The following MBOAT1 variants were observed in gnomAD, a reference collection of about 807,000 sequenced individuals.
MBOAT1 encodes the protein membrane-bound glycerophospholipid O-acyltransferase 1.
In MBOAT1, 67 loss-of-function variants were observed where a neutral mutation model predicts 64.4. The ratio of observed to expected loss-of-function variants is 1.04; its 90% CI spans 0.85 to 1.27. The LOEUF is 1.27. Among genes scored for constraint, MBOAT1 ranks in the 50% most tolerant of loss-of-function variants. The pLI is 0.00. For synonymous variants in MBOAT1, 229 were observed against 218.9 expected, an observed-to-expected ratio of 1.05 and a Z score of -0.41; for missense variants, 563 against 604.6, an observed-to-expected ratio of 0.93 and a Z score of 0.72.
At chr6:20,111,858 A>ATATATACGTATATATATG (rs1760168821) in intron 11 of MBOAT1, among the ~76,000 whole-genome samples, 3 of 129,122 alleles carry the variant, frequency 2.3e-5, no homozygotes, top group African/African-American at 1.0e-4. Flanking sequence ...ATATATATAT[A>ATATATACGTATATATATG]CATATATATA....
At chr6:20,115,211 C>A in intron 10 of MBOAT1, 77 bp downstream of exon 10, 4 of 1,044,170 alleles carry the variant, frequency 3.8e-6, no homozygotes, top group Non-Finnish European at 6.0e-6. Flanking sequence ...CAGGCAGACT[C>A]CCACTGTTCA....
At chr6:20,121,460 T>TG (rs777190541) in intron 8 of MBOAT1, among the ~76,000 whole-genome samples, 16 of 151,838 alleles carry the variant, frequency 1.1e-4, no homozygotes, top group Middle Eastern at 3.2e-3. Context: ...AAGGGAAGCA[T>TG]GGGGGGGAGT....
intron 4 of MBOAT1, among the ~76,000 whole-genome samples, chr6:20,139,021 ATGTG>A (rs1310263814): frequency 6.6e-6 from 1 of 152,066 alleles, no homozygotes; most frequent in Non-Finnish European, 1.5e-5. Context: ...CCCTGTATGC[ATGTG>A]TGTGAGTCTG....
intron 1 of MBOAT1, 119 bp from the exon 2 acceptor site, chr6:20,152,888 A>C (rs558757730): frequency 9.1e-7 from 1 of 1,101,876 alleles, no homozygotes; most frequent in Non-Finnish European, 1.2e-6. Flanking sequence ...GCTGGAGTGC[A>C]GTGGCGCAAA....
At chr6:20,125,940 G>A in intron 7 of MBOAT1, 1 of 413,626 alleles carries the variant, frequency 2.4e-6, no homozygotes, top group South Asian at 1.8e-5. Flanking sequence ...AATAAATTGA[G>A]CATATTTGTA....
intron 11 of MBOAT1, among the ~76,000 whole-genome samples, chr6:20,111,596 A>C (rs1008174996): frequency 1.3e-5 from 2 of 152,018 alleles, no homozygotes; most frequent in African/African-American, 4.8e-5. Flanking sequence ...CTGAGGGAAT[A>C]ATACTCTGGA....
At chr6:20,106,616 G>T (rs1191080435) in intron 12 of MBOAT1, among the ~76,000 whole-genome samples, 1 of 152,166 alleles carries the variant, frequency 6.6e-6, no homozygotes, top group Non-Finnish European at 1.5e-5. Context: ...TACAGACAGG[G>T]TTTCACCATG....
intron 1 of MBOAT1, among the ~76,000 whole-genome samples, chr6:20,199,945 G>A (rs1225856024): frequency 6.6e-6 from 1 of 151,540 alleles, no homozygotes; most frequent in Non-Finnish European, 1.5e-5. Context: ...TCCAGCCTGG[G>A]CAACAGGGTA....
At chr6:20,187,324 G>A (rs1462191526) in intron 1 of MBOAT1, among the ~76,000 whole-genome samples, 2 of 152,226 alleles carry the variant, frequency 1.3e-5, no homozygotes, top group Non-Finnish European at 2.9e-5. Flanking sequence ...AAGTGAGGGA[G>A]GGAAAAGGAT....
At chr6:20,195,465 C>G (rs1762928086) in intron 1 of MBOAT1, among the ~76,000 whole-genome samples, 1 of 152,094 alleles carries the variant, frequency 6.6e-6, no homozygotes, top group Admixed American at 6.6e-5. Context: ...CTGGCCCAAT[C>G]CTAGAATCAA....
In MBOAT1 at chr6:20,118,436, C is replaced by A. The variant is rs1760393396; in HGVS notation, c.1011+1G>T. On this transcript the variant is annotated splice_donor_variant, in intron 9 of 12. Coordinates refer to ENST00000324607, the MANE Select transcript of MBOAT1 (RefSeq NM_001080480.3). LOFTEE classifies it high-confidence loss of function. ...AGTTGGACTTAAAAGCATACACTCACCTCAATTTTCCAGATGTTTAGGTTC... is the reference window on the plus strand; with the variant it reads ...AGTTGGACTTAAAAGCATACACTCAACTCAATTTTCCAGATGTTTAGGTTC... 1 of 1,612,524 alleles carries A rather than the reference C, an allele frequency of 6.2e-7. No homozygotes were observed. The highest frequency in any genetic ancestry group is 1.3e-5 in the African/African-American group (1 of 74,904).
chr6:20,149,253 A>G (rs1761421380), intron 3 of MBOAT1, among the ~76,000 whole-genome samples: 1 of 152,168 alleles, frequency 6.6e-6, no homozygotes, highest in Non-Finnish European at 1.5e-5. Context: ...TGCCAAGGCC[A>G]GAGTATTCCA....
Position 20,100,142 on chromosome 6 carries a change from G to C in MBOAT1, c.*2144C>G, listed in dbSNP as rs1441925411. On this transcript the variant is annotated 3_prime_UTR_variant, in exon 13 of 13. Coordinates refer to ENST00000324607, the MANE Select transcript of MBOAT1 (RefSeq NM_001080480.3). Reference sequence around the variant, plus strand: ...ACCAGGGCAGCTGGTCACCAAAGCAGACACCTCTGCTCTCATTACCAAGTT... The same window carrying C: ...ACCAGGGCAGCTGGTCACCAAAGCACACACCTCTGCTCTCATTACCAAGTT... Among the ~76,000 whole-genome samples the C allele has an allele frequency of 1.3e-5, 2 of 152,196 alleles. No individual in the cohort carries two copies. Among genetic ancestry groups the C allele is most frequent in the African/African-American group, 4.8e-5 (2 of 41,454 alleles).
chr6:20,134,244 C>T lies in MBOAT1; in HGVS notation c.420-3045G>A, dbSNP rs928254745. The stretch of plus-strand genomic sequence containing the variant: ...ACTTGGCATCTGCTTTTCAGAGAAC[C>T]CAGACAAATGCAATACATAATACTG... On this transcript the variant is annotated intron_variant, in intron 4 of 12. Coordinates refer to ENST00000324607, the MANE Select transcript of MBOAT1 (RefSeq NM_001080480.3). Among the ~76,000 whole-genome samples, 25 of 152,158 alleles carry T rather than the reference C, an allele frequency of 1.6e-4. 1 individual carries two copies. The East Asian group carries it at 4.8e-3, about 29-fold the overall frequency.
chr6:20,115,301 T>C lies in MBOAT1; in HGVS notation c.1063A>G (p.Thr355Ala), dbSNP rs764569068. ...YLENWNIQTA[T>A]WLKCVCYQRV... ...TGTTTTTCTTACCACTTTAGCCAAG[T>C]AGCTGTCTGAATATTCCAGTTTTCC... Residue 355 changes from threonine to alanine, a missense_variant, in exon 10 of 13, where the codon ACT (threonine) becomes GCT (alanine). By Grantham distance (58) the Thr-to-Ala change is moderately conservative. Transcript: ENST00000324607. 5.5e-5 allele frequency: 89 copies of C among 1,613,916 alleles called. No individual in the cohort carries two copies. In the Middle Eastern group the frequency reaches 6.6e-4, roughly 12 times the overall value.
intron 1 of MBOAT1, among the ~76,000 whole-genome samples, chr6:20,199,383 C>T (rs1420420779): frequency 6.6e-6 from 1 of 152,122 alleles, no homozygotes; most frequent in Non-Finnish European, 1.5e-5. Flanking sequence ...TTTCTAAAGA[C>T]ACTCTAAATA....
intron 4 of MBOAT1, among the ~76,000 whole-genome samples, chr6:20,133,963 T>G (rs1760907393): frequency 6.6e-6 from 1 of 152,192 alleles, no homozygotes; most frequent in South Asian, 2.1e-4. Context: ...TAGGGACACT[T>G]AGGCAGACCC....
intron 9 of MBOAT1, among the ~76,000 whole-genome samples, chr6:20,116,315 T>C (rs1238795466): frequency 6.6e-6 from 1 of 151,182 alleles, no homozygotes; most frequent in Non-Finnish European, 1.5e-5. Context: ...CTGGGCAACA[T>C]GGCAAGACTC....
chr6:20,164,787 GT>G (rs1285352099), intron 1 of MBOAT1, among the ~76,000 whole-genome samples: 30 of 152,146 alleles, frequency 2.0e-4, no homozygotes, highest in African/African-American at 7.0e-4. Context: ...ATTTATGATG[GT>G]TCGACTTACG....
Sources: allele counts gnomAD v4.1 joint callset (sites outside exome capture counted in the v4.1 genomes callset), GRCh38; gene constraint gnomAD v4.1.1; transcripts MANE v1.5; gene names NCBI Gene and HGNC (gene_info 2026-07-23, HGNC 2026-07-21).